RBFOX1: variants seen among roughly 807,000 people sequenced by gnomAD.
RBFOX1 encodes RNA binding fox-1 homolog 1.
In RBFOX1, 8 loss-of-function variants were observed where a neutral mutation model predicts 57.7. The observed-to-expected ratio is 0.14, with a 90% CI of 0.08 to 0.25. The LOEUF (loss-of-function observed/expected upper bound fraction) is 0.25, where lower values mean the gene tolerates loss of function less well. RBFOX1 is among the 10% of genes least tolerant of loss of function. The pLI, the probability that RBFOX1 is intolerant of heterozygous loss-of-function variation, is 1.00. For synonymous variants in RBFOX1, 326 were observed against 222.4 expected, an observed-to-expected ratio of 1.47 and a Z score of -4.15; for missense variants, 611 against 548.5, an observed-to-expected ratio of 1.11 and a Z score of -1.14.
At chr16:7,710,361 G>C (rs534839144) in intron 15 of RBFOX1, 1 of 1,309,118 alleles carries the variant, frequency 7.6e-7, no homozygotes, top group Non-Finnish European at 9.7e-7. Flanking sequence ...TCCTTCCATT[G>C]TCCAGCTTAT....
Position 6,450,829 on chromosome 16 carries a change from A to ATGTG in RBFOX1, c.-64+133773_-64+133774insGTGT, listed in dbSNP as rs1567303716. Among the ~76,000 whole-genome samples the ATGTG allele has an allele frequency of 7.8e-5, 3 of 38,420 alleles. 1 individual carries two copies. The highest frequency in any genetic ancestry group is 4.8e-4 in the African/African-American group (3 of 6,276). 25.2% of individuals were successfully genotyped at this position (38,420 alleles called of 152,430 possible). On this transcript the variant is annotated intron_variant, in intron 2 of 15. Transcript: ENST00000550418. ...TATATATATATATACATATATATAT[A>ATGTG]TATATATGTGTATATATATATATAT...
intron 4 of RBFOX1, among the ~76,000 whole-genome samples, chr16:7,115,398 T>G (rs555747741): frequency 2.0e-5 from 3 of 152,344 alleles, no homozygotes; most frequent in African/African-American, 7.2e-5. Context: ...AAACAGAAAC[T>G]AATTCTTTTG....
chr16:6,287,104 C>G (rs1014791269), intron 1 of RBFOX1, among the ~76,000 whole-genome samples: 1 of 152,114 alleles, frequency 6.6e-6, no homozygotes, highest in African/African-American at 2.4e-5. Context: ...CCAAAGAAGG[C>G]ACACCTCACC....
At chr16:6,820,818 A>G (rs894449740) in intron 3 of RBFOX1, among the ~76,000 whole-genome samples, 9 of 152,216 alleles carry the variant, frequency 5.9e-5, no homozygotes, top group African/African-American at 1.9e-4. Context: ...TAAATGGACC[A>G]TTGGTACTTC....
chr16:6,859,188 TA>T, intron 3 of RBFOX1, among the ~76,000 whole-genome samples: 1 of 52,004 alleles, frequency 1.9e-5, no homozygotes, highest in Non-Finnish European at 3.7e-5. Context: ...TATATATGTA[TA>T]TATATATGTA....
intron 4 of RBFOX1, among the ~76,000 whole-genome samples, chr16:7,462,271 A>G (rs1263768096): frequency 1.3e-5 from 2 of 152,166 alleles, no homozygotes; most frequent in African/African-American, 4.8e-5. Context: ...AGAGTAAAAG[A>G]AACACCCGGG....
chr16:7,434,854 C>G (rs938673618), intron 4 of RBFOX1, among the ~76,000 whole-genome samples: 3 of 151,948 alleles, frequency 2.0e-5, no homozygotes, highest in East Asian at 1.9e-4. Flanking sequence ...ATTCTCTAGC[C>G]TCAGCCTCCT....
At chr16:6,722,668 A>C (rs545716834) in intron 3 of RBFOX1, among the ~76,000 whole-genome samples, 1 of 152,344 alleles carries the variant, frequency 6.6e-6, no homozygotes, top group Non-Finnish European at 1.5e-5. Flanking sequence ...AAATATGGCT[A>C]AAATTCTGTG....
At chr16:7,031,609 AG>A (rs200413413) in intron 3 of RBFOX1, among the ~76,000 whole-genome samples, 7 of 141,076 alleles carry the variant, frequency 5.0e-5, no homozygotes, top group African/African-American at 1.5e-4. Context: ...TAAAAAAAAA[AG>A]AAAGAAAAGA....
chr16:5,516,289 T>C (rs909247246), intron 2 of RBFOX1, among the ~76,000 whole-genome samples: 7 of 152,190 alleles, frequency 4.6e-5, no homozygotes, highest in Admixed American at 3.3e-4. Flanking sequence ...CATCACTTCC[T>C]GTCTCCCATC....
chr16:7,447,439 A>AAT (rs2098817705), intron 4 of RBFOX1, among the ~76,000 whole-genome samples: 1 of 151,570 alleles, frequency 6.6e-6, no homozygotes, highest in Non-Finnish European at 1.5e-5. Flanking sequence ...TCAAAAAAAA[A>AAT]AAAAAAAAAA....
chr16:6,571,134 C>T (rs775208058), intron 2 of RBFOX1, among the ~76,000 whole-genome samples: 2 of 152,176 alleles, frequency 1.3e-5, no homozygotes, highest in African/African-American at 2.4e-5. Flanking sequence ...TTGGAGTTGA[C>T]ATCATTTCAG....
chr16:5,969,415 G>A (rs528611071), intron 4 of RBFOX1, among the ~76,000 whole-genome samples: 8 of 144,354 alleles, frequency 5.5e-5, no homozygotes, highest in South Asian at 2.2e-4. Flanking sequence ...GGGTTCAAGC[G>A]ATTCTCCTGC....
rs868609499 is a variant in RBFOX1, at chr16:7,120,842, C to T, written c.27+68744C>T. Among the ~76,000 whole-genome samples the T allele has an allele frequency of 6.6e-3, 987 of 149,720 alleles. 6 individuals are homozygous for T. The highest frequency in any genetic ancestry group is 0.023 in the African/African-American group (937 of 40,864). ...ATATATGTATATATACACACACACA[C>T]ACACACACACACACACATACGTAAA... On this transcript the variant is annotated intron_variant, in intron 4 of 15. Transcript: ENST00000550418.
At chr16:6,192,438 C>T (rs910219650) in intron 1 of RBFOX1, among the ~76,000 whole-genome samples, 3 of 151,814 alleles carry the variant, frequency 2.0e-5, no homozygotes, top group African/African-American at 7.3e-5. Context: ...AGCCCCTCTA[C>T]CTCCCTCATT....
At chr16:6,653,983 G>A (rs1488353792) in intron 2 of RBFOX1, among the ~76,000 whole-genome samples, 1 of 142,868 alleles carries the variant, frequency 7.0e-6, no homozygotes, top group Non-Finnish European at 1.6e-5. Flanking sequence ...ATGGATGGAT[G>A]GATGGATGGA....
chr16:5,240,840 G>C (rs1206873149), intron 1 of RBFOX1, among the ~76,000 whole-genome samples: 1 of 152,168 alleles, frequency 6.6e-6, no homozygotes, highest in African/African-American at 2.4e-5. Context: ...TTCACTTTCT[G>C]CTTTCCTACC....
chr16:6,961,202 C>A (rs1326893948), intron 3 of RBFOX1, among the ~76,000 whole-genome samples: 4 of 133,682 alleles, frequency 3.0e-5, no homozygotes, highest in Non-Finnish European at 6.5e-5. Flanking sequence ...AGATTAAATG[C>A]ATGGGATAGT....
At chr16:7,475,458 G>A (rs1398042533) in intron 4 of RBFOX1, among the ~76,000 whole-genome samples, 1 of 152,086 alleles carries the variant, frequency 6.6e-6, no homozygotes, top group Non-Finnish European at 1.5e-5. Context: ...GGGACTGCAG[G>A]CGCATGCCAC....
Sources: allele counts gnomAD v4.1 joint callset (sites outside exome capture counted in the v4.1 genomes callset), GRCh38; gene constraint gnomAD v4.1.1; transcripts MANE v1.5; gene names NCBI Gene and HGNC (gene_info 2026-07-23, HGNC 2026-07-21).